The following USP48 variants were observed in gnomAD, a reference collection of about 807,000 sequenced individuals.
USP48 encodes the protein ubiquitin carboxyl-terminal hydrolase 48.
A neutral mutation model predicts 150.7 loss-of-function variants in USP48; 43 were observed. That is an observed-to-expected ratio of 0.29 (90% CI 0.22 to 0.37). The LOEUF (loss-of-function observed/expected upper bound fraction) is 0.37. USP48 is among the 10% of genes least tolerant of loss of function. The pLI is 1.00. For missense variants in USP48, 813 were observed against 1,249.6 expected, an observed-to-expected ratio of 0.65 and a Z score of 5.27; for synonymous variants, 396 against 425.9, an observed-to-expected ratio of 0.93 and a Z score of 0.86.
At position 21,728,676 on chromosome 1, in the gene USP48, C is replaced by T. The variant is rs753666718; in HGVS notation, c.1344G>A (p.Glu448=). The T allele has an allele frequency of 4.3e-6, 7 of 1,614,174 alleles. No homozygotes were observed. In the Admixed American group the frequency reaches 1.2e-4, roughly 27 times the overall value. Residue 448 remains glutamate, a synonymous_variant, in exon 11 of 27, where the codon GAG becomes GAA. Transcript: ENST00000308271. ...ELVDRDNSKF[E]EWCIEMAEMR... is the part of the protein sequence containing the mutation. ...TCTCAGCCATTTCAATACACCACTC[C>T]TCAAATTTGGAATTATCCCGATCTA...
At chr1:21,776,716 G>A (rs1329351833) in intron 1 of USP48, among the ~76,000 whole-genome samples, 2 of 152,084 alleles carry the variant, frequency 1.3e-5, no homozygotes, top group African/African-American at 4.8e-5. Context: ...CACTTTGGGA[G>A]GCCAAGGCGG....
At chr1:21,705,637 A>T in intron 19 of USP48, 90 bp downstream of exon 19, 1 of 955,486 alleles carries the variant, frequency 1.0e-6, no homozygotes, top group Non-Finnish European at 1.5e-6. Flanking sequence ...AAAACAGACT[A>T]TGTCAGATGA....
chr1:21,728,965 G>A (rs557057248), intron 10 of USP48, among the ~76,000 whole-genome samples: 2 of 152,130 alleles, frequency 1.3e-5, no homozygotes, highest in South Asian at 4.2e-4. Flanking sequence ...CAGAACAATC[G>A]AATGGCTCAA....
chr1:21,755,657 G>A (rs940937249), intron 3 of USP48, among the ~76,000 whole-genome samples: 1 of 152,012 alleles, frequency 6.6e-6, no homozygotes, highest in African/African-American at 2.4e-5. Flanking sequence ...ACCAATTGTG[G>A]CTTTCAGCAA....
Position 21,721,734 on chromosome 1 carries a change from T to C in USP48, c.1679A>G (p.Glu560Gly). 1 of 1,606,722 alleles carries C rather than the reference T, an allele frequency of 6.2e-7. No individual in the cohort carries two copies. The highest frequency in any genetic ancestry group is 8.5e-7 in the Non-Finnish European group (1 of 1,175,600). The change falls in exon 13 of 27, where the codon GAA becomes GGA. Residue 560 changes from glutamate (E) to glycine (G), a missense_variant. By Grantham distance (98) the Glu-to-Gly change is moderately conservative. Coordinates refer to ENST00000308271, the MANE Select transcript of USP48 (RefSeq NM_032236.8). ...VKALCKECVV[E>G]RCRILRLKNQ... is the part of the protein sequence containing the mutation. ...CTTCAGACGCAATATGCGACAACGT[T>C]CTACTACACATTCCTTACACAGGGC...
At chr1:21,681,509 G>A (rs963335145) in intron 25 of USP48, among the ~76,000 whole-genome samples, 6 of 152,198 alleles carry the variant, frequency 3.9e-5, no homozygotes, top group East Asian at 3.9e-4. Flanking sequence ...TGATCCGCCC[G>A]CCACAGCCTC....
At chr1:21,710,489 T>C (rs2097687307) in intron 15 of USP48, among the ~76,000 whole-genome samples, 1 of 152,208 alleles carries the variant, frequency 6.6e-6, no homozygotes, top group South Asian at 2.1e-4. Context: ...GGTTATTCAC[T>C]TAAAGGAATA....
chr1:21,773,082 C>T (rs1476060888), intron 1 of USP48, among the ~76,000 whole-genome samples: 3 of 150,752 alleles, frequency 2.0e-5, no homozygotes, highest in Non-Finnish European at 4.4e-5. Context: ...CATAGTGAAA[C>T]CCCTCTCTAC....
intron 12 of USP48, among the ~76,000 whole-genome samples, chr1:21,722,364 C>A (rs540694322): frequency 1.5e-4 from 22 of 150,836 alleles, no homozygotes; most frequent in African/African-American, 5.4e-4. Context: ...CATAGTGAGA[C>A]CCTGTCTCTA....
chr1:21,752,980 T>C lies in USP48; in HGVS notation c.540+12A>G, dbSNP rs1263555423. On this transcript the variant is annotated intron_variant, in intron 4 of 26. Coordinates refer to ENST00000308271, the MANE Select transcript of USP48 (RefSeq NM_032236.8). ...CTGAATATTTAAAAAAAAAAAAAAA[T>C]TCAGTTCTTACCTGCTGTTGTCCAG... 8 of 1,569,990 alleles carry C rather than the reference T, an allele frequency of 5.1e-6. No individual in the cohort carries two copies. Among genetic ancestry groups the C allele is most frequent in the Admixed American group, 2.1e-5 (1 of 47,184 alleles).
intron 8 of USP48, among the ~76,000 whole-genome samples, chr1:21,740,293 T>C (rs2152566263): frequency 6.6e-6 from 1 of 152,358 alleles, no homozygotes; most frequent in Middle Eastern, 3.4e-3. Context: ...CATGATAGAG[T>C]ATCCTTTCCA....
chr1:21,703,801 A>G (rs1385408568), intron 20 of USP48, among the ~76,000 whole-genome samples, 183 bp from the exon 21 acceptor site: 2 of 152,210 alleles, frequency 1.3e-5, no homozygotes, highest in Non-Finnish European at 2.9e-5. Flanking sequence ...GTATGAACAT[A>G]GCTCACTGTA....
At chr1:21,779,095 A>T (rs1359804237) in intron 1 of USP48, among the ~76,000 whole-genome samples, 1 of 151,972 alleles carries the variant, frequency 6.6e-6, no homozygotes, top group Non-Finnish European at 1.5e-5. Flanking sequence ...AATTTTGTTT[A>T]ATTAGCCTCG....
Position 21,679,439 on chromosome 1 carries a change from C to T in USP48, c.3086G>A (p.Gly1029Asp), listed in dbSNP as rs1451825280. 1 of 1,614,002 alleles carries T rather than the reference C, an allele frequency of 6.2e-7. No individual in the cohort carries two copies. The highest frequency in any genetic ancestry group is 1.1e-5 in the South Asian group (1 of 91,084). Reference protein sequence around the residue: ...QVCMPEEGFKGTGLLGH With the variant: ...QVCMPEEGFKDTGLLGH ...AGATTAATGTCCAAGAAGACCAGTA[C>T]CTGGGAAAAGAAACACACGTGGAGG... Residue 1029 changes from glycine (G) to aspartate (D), a missense_variant and splice_region_variant, in exon 27 of 27, where the codon GGT becomes GAT. Coordinates refer to ENST00000308271, the MANE Select transcript of USP48 (RefSeq NM_032236.8).
At chr1:21,712,769 C>T (rs192868147) in intron 15 of USP48, among the ~76,000 whole-genome samples, 104 of 151,842 alleles carry the variant, frequency 6.8e-4, no homozygotes, top group African/African-American at 2.2e-3. Flanking sequence ...GGTGGGATTA[C>T]AGGCGTCCAC....
At chr1:21,688,474 C>A (rs2097585598) in intron 24 of USP48, among the ~76,000 whole-genome samples, 1 of 151,740 alleles carries the variant, frequency 6.6e-6, no homozygotes, top group Admixed American at 6.5e-5. Context: ...CCACCTCAAC[C>A]TCCCAAAGTG....
intron 12 of USP48, among the ~76,000 whole-genome samples, chr1:21,722,071 T>G (rs1005903180): frequency 6.6e-6 from 1 of 151,948 alleles, no homozygotes; most frequent in African/African-American, 2.4e-5. Context: ...TCACTGAGGT[T>G]CTAAGGTGGG....
chr1:21,747,193 A>G, intron 7 of USP48, 44 bp from the exon 8 acceptor site: 1 of 1,367,740 alleles, frequency 7.3e-7, no homozygotes, highest in Non-Finnish European at 1.0e-6. Context: ...TAAAACAATC[A>G]TAATACAATA....
chr1:21,767,588 G>A (rs1387275813), intron 1 of USP48, among the ~76,000 whole-genome samples: 1 of 150,384 alleles, frequency 6.6e-6, no homozygotes, highest in Admixed American at 6.6e-5. Flanking sequence ...CTCCCAAAGT[G>A]CTGGGATTAC....
Sources: allele counts gnomAD v4.1 joint callset (sites outside exome capture counted in the v4.1 genomes callset), GRCh38; gene constraint gnomAD v4.1.1; transcripts MANE v1.5; gene names NCBI Gene and HGNC (gene_info 2026-07-23, HGNC 2026-07-21).